NBAS: variants seen among roughly 807,000 people sequenced by gnomAD.
NBAS encodes NBAS subunit of NRZ tethering complex.
A neutral mutation model predicts 302.5 loss-of-function variants in NBAS; 219 were observed. The ratio of observed to expected loss-of-function variants is 0.72; its 90% CI spans 0.65 to 0.81. The LOEUF (loss-of-function observed/expected upper bound fraction) is 0.81, where lower values mean the gene tolerates loss of function less well. Ranked by LOEUF, NBAS falls within the 30% of genes least tolerant of loss-of-function variation. The pLI, the probability that NBAS is intolerant of heterozygous loss-of-function variation, is 0.00. For synonymous variants in NBAS, 1,118 were observed against 1,021.6 expected (o/e 1.09, Z -1.80); for missense variants, 2,932 against 2,841.6 (o/e 1.03, Z -0.72).
chr2:15,281,394 A>C (rs920625039), intron 42 of NBAS, among the ~76,000 whole-genome samples: 5 of 152,224 alleles, frequency 3.3e-5, no homozygotes, highest in African/African-American at 1.2e-4. Flanking sequence ...ATCTGATTTA[A>C]TTCTCACAAA....
intron 21 of NBAS, among the ~76,000 whole-genome samples, chr2:15,433,993 G>A (rs1203754876): frequency 6.6e-6 from 1 of 151,896 alleles, no homozygotes; most frequent in Non-Finnish European, 1.5e-5. Context: ...AGGGGAAGCT[G>A]TCACAGGCCT....
the NBAS span, among the ~76,000 whole-genome samples, chr2:14,916,491 A>G: frequency 2.6e-5 from 4 of 152,202 alleles, no homozygotes; most frequent in Non-Finnish European, 5.9e-5. Flanking sequence ...ACTTGTCAGT[A>G]CCAAGATAAT....
intron 25 of NBAS, among the ~76,000 whole-genome samples, chr2:15,406,744 G>A (rs934463112): frequency 3.3e-5 from 5 of 152,136 alleles, no homozygotes; most frequent in African/African-American, 1.2e-4. Flanking sequence ...AGTAAGGACA[G>A]GAATAAATTC....
intron 21 of NBAS, among the ~76,000 whole-genome samples, chr2:15,438,812 A>C (rs1174678119): frequency 1.3e-5 from 2 of 152,168 alleles, no homozygotes. Flanking sequence ...CTAGTCATTG[A>C]CTAAGCACTG....
the NBAS span, among the ~76,000 whole-genome samples, chr2:14,937,276 G>A: frequency 0.16 from 23,728 of 152,110 alleles, 2,556 homozygotes; most frequent in African/African-American, 0.31. Flanking sequence ...TTCAAATCCC[G>A]GCACTGCCAT....
the NBAS span, among the ~76,000 whole-genome samples, chr2:15,152,824 G>A: frequency 1.3e-5 from 2 of 152,226 alleles, no homozygotes; most frequent in African/African-American, 4.8e-5. Context: ...GAGCCAATCT[G>A]TATACAGTTG....
the NBAS span, among the ~76,000 whole-genome samples, chr2:14,961,819 T>C: frequency 1.3e-5 from 2 of 152,252 alleles, no homozygotes; most frequent in African/African-American, 2.4e-5. Flanking sequence ...TGTGCTGTCA[T>C]CCAGGCTGGA....
intron 44 of NBAS, among the ~76,000 whole-genome samples, chr2:15,247,706 A>ATATATACACCTCTATC (rs558340732): frequency 1.1e-5 from 1 of 90,942 alleles, no homozygotes; most frequent in African/African-American, 9.7e-5. Context: ...ATATCTCTCT[A>ATATATACACCTCTATC]TATATATCTA....
chr2:15,312,529 G>A (rs934293567), intron 38 of NBAS, among the ~76,000 whole-genome samples: 3 of 151,946 alleles, frequency 2.0e-5, no homozygotes, highest in South Asian at 4.2e-4. Flanking sequence ...CTCCTGCCTC[G>A]AATTCCCAAA....
chr2:15,122,901 G>A, the NBAS span, among the ~76,000 whole-genome samples: 1 of 152,204 alleles, frequency 6.6e-6, no homozygotes, highest in Non-Finnish European at 1.5e-5. Context: ...GAGGCTGAAG[G>A]AGGGCTATTC....
At chr2:15,158,661 C>T in the NBAS span, among the ~76,000 whole-genome samples, 12 of 152,212 alleles carry the variant, frequency 7.9e-5, no homozygotes, top group Admixed American at 6.5e-5. Flanking sequence ...CAGCCAGAGT[C>T]GGGGCCCAGG....
At chr2:14,871,796 T>C in the NBAS span, among the ~76,000 whole-genome samples, 81 of 152,190 alleles carry the variant, frequency 5.3e-4, no homozygotes, top group African/African-American at 1.8e-3. Context: ...AAATGCTCAA[T>C]TCAAAAGACA....
intron 51 of NBAS, among the ~76,000 whole-genome samples, chr2:15,176,819 C>A (rs1202888556): frequency 6.6e-6 from 1 of 152,146 alleles, no homozygotes; most frequent in Non-Finnish European, 1.5e-5. Flanking sequence ...AGATGTCACA[C>A]TGGGGGGAAC....
intron 48 of NBAS, among the ~76,000 whole-genome samples, chr2:15,192,068 C>G (rs1665384909): frequency 6.6e-6 from 1 of 152,210 alleles, no homozygotes; most frequent in Admixed American, 6.5e-5. Flanking sequence ...TACAGGAGCA[C>G]TGCTCCATAC....
the NBAS span, among the ~76,000 whole-genome samples, chr2:15,006,943 C>T: frequency 6.6e-6 from 1 of 152,158 alleles, no homozygotes; most frequent in Non-Finnish European, 1.5e-5. Flanking sequence ...TCCTCTACTC[C>T]TTGATGTTGG....
intron 38 of NBAS, among the ~76,000 whole-genome samples, chr2:15,309,840 A>C (rs562501896): frequency 6.6e-6 from 1 of 152,296 alleles, no homozygotes; most frequent in East Asian, 1.9e-4. Flanking sequence ...CACAAACCAC[A>C]ACTTGCCAAT....
the NBAS span, among the ~76,000 whole-genome samples, chr2:14,850,142 T>G: frequency 1.5e-5 from 2 of 134,640 alleles, 1 homozygote; most frequent in African/African-American, 7.3e-5. Context: ...GCAAATTGGA[T>G]AAAGAGTCAA....
intron 21 of NBAS, among the ~76,000 whole-genome samples, chr2:15,449,023 G>A (rs1678882015): frequency 6.6e-6 from 1 of 152,002 alleles, no homozygotes. Flanking sequence ...GCAAGAAAAT[G>A]AATATGAAAG....
At chr2:15,188,462 T>C (rs1389903991) in intron 49 of NBAS, among the ~76,000 whole-genome samples, 3 of 152,202 alleles carry the variant, frequency 2.0e-5, no homozygotes, top group African/African-American at 7.2e-5. Flanking sequence ...AAGTATCCCA[T>C]CACACATTCT....
Sources: allele counts gnomAD v4.1 joint callset (sites outside exome capture counted in the v4.1 genomes callset), GRCh38; gene constraint gnomAD v4.1.1; transcripts MANE v1.5; gene names NCBI Gene and HGNC (gene_info 2026-07-23, HGNC 2026-07-21).